The following BSDC1 variants were observed in gnomAD, a reference collection of about 807,000 sequenced individuals.
BSDC1 encodes BSD domain containing 1.
BSDC1 carries 29 observed loss-of-function variants against 56.0 expected under a neutral mutation model. The ratio of observed to expected loss-of-function variants is 0.52; its 90% CI spans 0.39 to 0.71. The LOEUF is 0.71. Ranked by LOEUF, BSDC1 falls within the 30% of genes least tolerant of loss-of-function variation. The pLI is 0.00. For missense variants in BSDC1, 477 were observed against 548.5 expected, an observed-to-expected ratio of 0.87 and a Z score of 1.30; for synonymous variants, 210 against 215.3, an observed-to-expected ratio of 0.98 and a Z score of 0.21.
At position 32,365,994 on chromosome 1, in the gene BSDC1, G is replaced by GA. The variant is rs1214080596; in HGVS notation, c.*627dup. On this transcript the variant is annotated 3_prime_UTR_variant, in exon 11 of 11. Transcript: ENST00000455895. ...GGGGACAGACCAGCGTGGGCTGGAG[G>GA]AAAGGAAGGAGGTGGGTCAGGGTTT... 1 of 160,394 alleles carries GA rather than the reference G, an allele frequency of 6.2e-6. No individual in the cohort carries two copies. Among genetic ancestry groups the GA allele is most frequent in the Non-Finnish European group, 1.4e-5 (1 of 72,898 alleles). The allele number at this position is 160,394 out of a possible 1,614,324, so 9.9% of individuals were successfully genotyped here.
chr1:32,367,595 G>C, intron 10 of BSDC1: 1 of 985,452 alleles, frequency 1.0e-6, no homozygotes, highest in Non-Finnish European at 1.2e-6. Flanking sequence ...ACATGAATCA[G>C]ATGTCTGGGT....
At chr1:32,382,668 C>A (rs1402023356) in intron 4 of BSDC1, among the ~76,000 whole-genome samples, 1 of 146,902 alleles carries the variant, frequency 6.8e-6, no homozygotes, top group African/African-American at 2.5e-5. Flanking sequence ...TGAGACCAGC[C>A]TAGGCAGAAT....
rs754233245 is a variant in BSDC1 at position 32,378,017 on chromosome 1, C to T, written c.629G>A (p.Arg210Gln). ...CTCTTCAGAGATGCTCTGTTCCGCC[C>T]GCTGCTTCAGGGCGTCCCTCCGGGC... ...EQARRDALKQ[R>Q]AEQSISEEPG... is the part of the protein sequence containing the mutation. The change falls in exon 8 of 11, where the codon CGG becomes CAG. Residue 210 changes from arginine to glutamine, a missense_variant. Physicochemically the swap from Arg to Gln is conservative, Grantham distance 43. Transcript: ENST00000455895. This position sits in a 1 kb window ranked among gnomAD's most constrained non-coding sequence, Gnocchi z 5.2. The T allele has an allele frequency of 1.5e-5, 24 of 1,613,204 alleles. No individual in the cohort carries two copies. Among genetic ancestry groups the T allele is most frequent in the African/African-American group, 4.0e-5 (3 of 74,932 alleles).
chr1:32,389,095 C>T (rs1307887722), intron 2 of BSDC1, among the ~76,000 whole-genome samples: 2 of 152,032 alleles, frequency 1.3e-5, no homozygotes, highest in Non-Finnish European at 2.9e-5. Context: ...GCTGGGACTA[C>T]AGGCGCCCGC....
chr1:32,369,913 C>T (rs972140127), intron 9 of BSDC1, among the ~76,000 whole-genome samples: 1 of 152,224 alleles, frequency 6.6e-6, no homozygotes, highest in African/African-American at 2.4e-5. Flanking sequence ...TTGCCTCAGC[C>T]TCCTGAGTAG....
chr1:32,368,501 G>A lies in BSDC1; in HGVS notation c.1206C>T (p.Asp402=). 1.2e-6 allele frequency: 2 copies of A among 1,614,106 alleles called. No homozygotes were observed. Among genetic ancestry groups the A allele is most frequent in the Non-Finnish European group, 1.7e-6 (2 of 1,180,012 alleles). Residue 402 remains aspartate, a synonymous_variant, in exon 10 of 11, where the codon GAC becomes GAT. Transcript: ENST00000455895. ...SEDWEKDFDL[D]MTEEEVQMAL... is the part of the protein sequence containing the mutation. ...CCATCTGCACCTCCTCTTCAGTCATGTCCAAGTCAAAGTCTTTCTCCCAGT... is the reference window on the plus strand; with the variant it reads ...CCATCTGCACCTCCTCTTCAGTCATATCCAAGTCAAAGTCTTTCTCCCAGT...
intron 9 of BSDC1, 138 bp from the exon 10 acceptor site, chr1:32,368,688 G>A (rs1356207244): frequency 1.3e-5 from 17 of 1,265,268 alleles, no homozygotes; most frequent in Non-Finnish European, 1.7e-5. Context: ...TCACTCTGGC[G>A]CACCAATCGT....
intron 9 of BSDC1, 67 bp downstream of exon 9, chr1:32,376,195 G>T: frequency 1.4e-6 from 2 of 1,383,056 alleles, no homozygotes; most frequent in Non-Finnish European, 1.9e-6. Context: ...GGGACAAGGA[G>T]ACAAATCTGC....
At chr1:32,375,893 C>T (rs957174929) in intron 9 of BSDC1, among the ~76,000 whole-genome samples, 1 of 152,128 alleles carries the variant, frequency 6.6e-6, no homozygotes, top group Non-Finnish European at 1.5e-5. Context: ...GAATCTGGGC[C>T]TCCTGGCCAT....
In BSDC1 at chr1:32,368,547, G is replaced by T. The variant is rs1486896108; in HGVS notation, c.1160C>A (p.Ser387Ter). ...STPSNNGKKGSSTDISEDWEK... is the reference protein window; with the variant it reads ...STPSNNGKKG ...CCAGTCCTCACTGATGTCCGTGCTT[G>T]AGCCTGGAACCACGAGCCACAGTGT... Residue 387 changes from serine (S) to a stop codon, truncating the protein, a stop_gained, in exon 10 of 11, where the codon TCA becomes TAA. Transcript: ENST00000455895. LOFTEE classifies it high-confidence loss of function. 11 of 1,614,032 alleles carry T rather than the reference G, an allele frequency of 6.8e-6. No homozygotes were observed. The highest frequency in any genetic ancestry group is 9.3e-6 in the Non-Finnish European group (11 of 1,180,030).
chr1:32,375,437 G>C (rs1368268907), intron 9 of BSDC1, among the ~76,000 whole-genome samples: 1 of 151,780 alleles, frequency 6.6e-6, no homozygotes, highest in Non-Finnish European at 1.5e-5. Flanking sequence ...GGGGACTGGA[G>C]GGGGGGTTCT....
Position 32,381,239 on chromosome 1 carries a change from T to A in BSDC1, c.387A>T (p.Pro129=). The change falls in exon 5 of 11, where the codon CCA becomes CCT. Residue 129 remains proline, a synonymous_variant. Transcript: ENST00000455895. ...KARLYSLQSD[P]ATYCNEPDGP... is the part of the protein sequence containing the mutation. The stretch of plus-strand genomic sequence containing the variant: ...CATCTGGTTCATTACAGTAGGTTGC[T>A]GGGTCCGACTGCAGGCTATAGAGGC... 4 of 1,613,702 alleles carry A rather than the reference T, an allele frequency of 2.5e-6. No individual in the cohort carries two copies. Among genetic ancestry groups the A allele is most frequent in the Non-Finnish European group, 3.4e-6 (4 of 1,179,804 alleles).
intron 2 of BSDC1, among the ~76,000 whole-genome samples, chr1:32,393,433 T>G (rs760414762): frequency 2.6e-5 from 4 of 152,226 alleles, no homozygotes; most frequent in Non-Finnish European, 4.4e-5. Context: ...TTGCTTTTCA[T>G]CCTGTCTAGG....
At chr1:32,389,691 G>C (rs1207700488) in intron 2 of BSDC1, among the ~76,000 whole-genome samples, 6 of 152,118 alleles carry the variant, frequency 3.9e-5, no homozygotes, top group Non-Finnish European at 8.8e-5. Flanking sequence ...AGTGGCTGAT[G>C]CCTGTAATCC....
chr1:32,371,710 T>G (rs1642096157), intron 9 of BSDC1, among the ~76,000 whole-genome samples: 1 of 152,016 alleles, frequency 6.6e-6, no homozygotes, highest in Non-Finnish European at 1.5e-5. Flanking sequence ...GACCTACTCC[T>G]CACCAGATGC....
chr1:32,394,182 C>T (rs746705841), intron 1 of BSDC1, 42 bp from the exon 2 acceptor site: 1 of 1,592,854 alleles, frequency 6.3e-7, no homozygotes, highest in Admixed American at 1.8e-5. Flanking sequence ...CGGTGCGATT[C>T]CTGCCCGCCC....
intron 10 of BSDC1, chr1:32,368,071 T>A: frequency 3.3e-6 from 4 of 1,229,492 alleles, no homozygotes; most frequent in South Asian, 5.3e-5. Flanking sequence ...GGGGTCTCAC[T>A]ATATTGGCCA....
intron 10 of BSDC1, chr1:32,368,066 C>G: frequency 2.6e-6 from 3 of 1,167,882 alleles, no homozygotes; most frequent in Non-Finnish European, 2.1e-6. Flanking sequence ...GAAATGGGGT[C>G]TCACTATATT....
At chr1:32,379,900 TG>T (rs1642423805) in intron 5 of BSDC1, among the ~76,000 whole-genome samples, 1 of 152,222 alleles carries the variant, frequency 6.6e-6, no homozygotes, top group African/African-American at 2.4e-5. Flanking sequence ...TTCTTCACAA[TG>T]CTGCCCCAAG....
Sources: allele counts gnomAD v4.1 joint callset (sites outside exome capture counted in the v4.1 genomes callset), GRCh38; gene constraint gnomAD v4.1.1; non-coding constraint Gnocchi (gnomAD v3.1); transcripts MANE v1.5; gene names NCBI Gene and HGNC (gene_info 2026-07-23, HGNC 2026-07-21).